The following CATSPERB variants were observed in gnomAD, a reference collection of about 807,000 sequenced individuals.
The protein encoded by CATSPERB is cation channel sperm-associated auxiliary subunit beta.
A neutral mutation model predicts 128.3 loss-of-function variants in CATSPERB; 93 were observed. The ratio of observed to expected loss-of-function variants is 0.72; its 90% confidence interval spans 0.61 to 0.86. The LOEUF is 0.86. Among genes scored for constraint, CATSPERB ranks in the 40% least tolerant of loss-of-function variants. The probability of loss-of-function intolerance (pLI) is 0.00; values close to 1 mark genes in which losing one functional copy is unlikely to be tolerated. For missense variants in CATSPERB, 1,153 were observed against 1,329.5 expected (o/e 0.87, Z 2.06); for synonymous variants, 381 against 448.8 (o/e 0.85, Z 1.91).
chr14:91,673,020 T>C lies in CATSPERB; in HGVS notation c.979-4A>G. The C allele has an allele frequency of 6.4e-7, 1 of 1,566,928 alleles. No homozygotes were observed. The highest frequency in any genetic ancestry group is 8.6e-7 in the Non-Finnish European group (1 of 1,167,286). On this transcript the variant is annotated splice_polypyrimidine_tract_variant and splice_region_variant and intron_variant, in intron 12 of 26. Coordinates refer to ENST00000256343, the MANE Select transcript of CATSPERB (RefSeq NM_024764.4). ...GACTATAAAAACAAGAGCTTGACTA[T>C]AAAAAAAAGAAGGGAAAAATTAATG...
At chr14:91,705,655 T>G (rs1895721147) in intron 6 of CATSPERB, among the ~76,000 whole-genome samples, 1 of 152,172 alleles carries the variant, frequency 6.6e-6, no homozygotes, top group South Asian at 2.1e-4. Flanking sequence ...CTCACAACCC[T>G]ATTTTTCAGT....
Position 91,621,781 on chromosome 14 carries a change from C to T in CATSPERB, c.2087G>A (p.Ser696Asn), listed in dbSNP as rs749441862. 5.6e-6 allele frequency: 9 copies of T among 1,614,014 alleles called. No individual in the cohort carries two copies. The East Asian group carries it at 6.7e-5, about 12-fold the overall frequency. ...SAPNNMTFLKSTWFLYNFGQR... is the reference protein window; with the variant it reads ...SAPNNMTFLKNTWFLYNFGQR... ...CCCAAAGTTGTATAAGAACCATGTG[C>T]TCTTTAGAAAGGTCATATTGTTGGG... Residue 696 changes from serine to asparagine, a missense_variant, in exon 19 of 27, where the codon AGC becomes AAC. Physicochemically the swap from Ser to Asn is conservative, Grantham distance 46. Transcript: ENST00000256343.
chr14:91,702,624 AT>A (rs1020141223), intron 7 of CATSPERB, among the ~76,000 whole-genome samples: 17 of 150,010 alleles, frequency 1.1e-4, no homozygotes, highest in South Asian at 2.1e-4. Context: ...TCCCATATGA[AT>A]TTTGTGTTTG....
chr14:91,664,288 C>A (rs1743082), intron 14 of CATSPERB, among the ~76,000 whole-genome samples: 1 of 126,964 alleles, frequency 7.9e-6, no homozygotes, highest in African/African-American at 2.9e-5. Flanking sequence ...TTTTTTGAGA[C>A]AGAGTCTCAC....
In CATSPERB at chr14:91,674,205, T is replaced by C. The variant is rs751182928; in HGVS notation, c.949A>G (p.Thr317Ala). The change falls in exon 12 of 27, where the codon ACC becomes GCC. Residue 317 changes from threonine (T) to alanine (A), a missense_variant. By Grantham distance (58) the Thr-to-Ala change is moderately conservative. Transcript: ENST00000256343. ...EHFEVDYVTV[T>A]FERNRTLSES... ...CTTAGGGTTCTGTTTCTCTCAAAGG[T>C]AACTGTAACATAATCAACTGTGAAA... 2 of 1,541,464 alleles carry C rather than the reference T, an allele frequency of 1.3e-6. No homozygotes were observed. Among genetic ancestry groups the C allele is most frequent in the East Asian group, 2.3e-5 (1 of 44,118 alleles).
At chr14:91,605,364 GA>G in intron 22 of CATSPERB, 5 of 632,060 alleles carry the variant, frequency 7.9e-6, no homozygotes, top group East Asian at 2.6e-5. Flanking sequence ...AGCTGGACTG[GA>G]AAAAAGGTTA....
chr14:91,672,733 T>G, intron 13 of CATSPERB, 134 bp downstream of exon 13: 7 of 647,474 alleles, frequency 1.1e-5, no homozygotes, highest in Non-Finnish European at 1.3e-5. Context: ...ATTATTGATT[T>G]TAAATAATTT....
At chr14:91,659,220 C>T (rs559300751) in intron 15 of CATSPERB, among the ~76,000 whole-genome samples, 15 of 152,250 alleles carry the variant, frequency 9.9e-5, no homozygotes, top group African/African-American at 3.6e-4. Context: ...GACAGATATG[C>T]TAATTACCCT....
At chr14:91,721,704 G>C (rs1168903875) in intron 4 of CATSPERB, among the ~76,000 whole-genome samples, 1 of 152,058 alleles carries the variant, frequency 6.6e-6, no homozygotes, top group Non-Finnish European at 1.5e-5. Flanking sequence ...CAAAAAATTA[G>C]CCAGGTTTGG....
chr14:91,591,507 T>C (rs1364502850), intron 23 of CATSPERB, among the ~76,000 whole-genome samples: 1 of 151,822 alleles, frequency 6.6e-6, no homozygotes, highest in African/African-American at 2.4e-5. Flanking sequence ...CTTTGCCTTC[T>C]ATATTCCAAG....
At chr14:91,602,881 T>C (rs946631758) in intron 22 of CATSPERB, among the ~76,000 whole-genome samples, 1 of 152,184 alleles carries the variant, frequency 6.6e-6, no homozygotes, top group Non-Finnish European at 1.5e-5. Flanking sequence ...TCCCTCCTGT[T>C]CTGCAGCATC....
intron 4 of CATSPERB, among the ~76,000 whole-genome samples, chr14:91,722,122 A>C (rs1214280209): frequency 1.3e-5 from 2 of 152,226 alleles, no homozygotes; most frequent in Non-Finnish European, 2.9e-5. Context: ...TTTAGAAAAC[A>C]GTCTGGCATT....
intron 13 of CATSPERB, among the ~76,000 whole-genome samples, chr14:91,671,707 G>T (rs1357751440): frequency 1.3e-5 from 2 of 151,162 alleles, no homozygotes; most frequent in African/African-American, 4.9e-5. Flanking sequence ...TCCATAAATG[G>T]TTTTCTCCCT....
chr14:91,611,206 A>G (rs1340571723), intron 20 of CATSPERB, among the ~76,000 whole-genome samples: 3 of 152,258 alleles, frequency 2.0e-5, no homozygotes, highest in East Asian at 1.9e-4. Flanking sequence ...ATTTGACCAT[A>G]AAGATCTGTT....
At chr14:91,709,951 C>T (rs1895808787) in intron 5 of CATSPERB, 1 of 152,524 alleles carries the variant, frequency 6.6e-6, no homozygotes, top group African/African-American at 2.4e-5. Flanking sequence ...TGACACTATC[C>T]CTGCTCATTC....
intron 22 of CATSPERB, among the ~76,000 whole-genome samples, chr14:91,596,380 T>A (rs1295746671): frequency 3.9e-5 from 6 of 151,976 alleles, no homozygotes; most frequent in Admixed American, 3.3e-4. Context: ...ATTTTTTGTA[T>A]TTTTAGTAGA....
chr14:91,666,848 G>A (rs1197813646), intron 14 of CATSPERB, among the ~76,000 whole-genome samples: 1 of 152,190 alleles, frequency 6.6e-6, no homozygotes, highest in Non-Finnish European at 1.5e-5. Context: ...CCCAGAGGAT[G>A]GGGAACCAAT....
chr14:91,656,739 T>C (rs1894794819), intron 15 of CATSPERB, among the ~76,000 whole-genome samples: 1 of 151,934 alleles, frequency 6.6e-6, no homozygotes, highest in Non-Finnish European at 1.5e-5. Flanking sequence ...TTTTAAAAAG[T>C]CCCAGTGATC....
At chr14:91,600,948 A>G (rs977774796) in intron 22 of CATSPERB, among the ~76,000 whole-genome samples, 1 of 152,248 alleles carries the variant, frequency 6.6e-6, no homozygotes, top group African/African-American at 2.4e-5. Context: ...CTGCAGATTT[A>G]TGATAAGTCA....
Sources: allele counts gnomAD v4.1 joint callset (sites outside exome capture counted in the v4.1 genomes callset), GRCh38; gene constraint gnomAD v4.1.1; transcripts MANE v1.5; gene names NCBI Gene and HGNC (gene_info 2026-07-23, HGNC 2026-07-21).